DNAAF8: variants seen among roughly 807,000 people sequenced by gnomAD.
DNAAF8 encodes dynein axonemal assembly factor 8.
Under a neutral mutation model 54.6 loss-of-function variants are expected in DNAAF8, and 61 were observed. The observed-to-expected ratio is 1.12, with a 90% CI of 0.91 to 1.38. DNAAF8 has a LOEUF of 1.38. Among genes scored for constraint, DNAAF8 ranks in the 40% most tolerant of loss-of-function variants. DNAAF8 has a pLI of 0.00. For synonymous variants in DNAAF8, 320 were observed against 270.1 expected (o/e 1.18, Z -1.81); for missense variants, 837 against 665.0 (o/e 1.26, Z -2.85).
intron 6 of DNAAF8, 167 bp from the exon 7 acceptor site, chr16:4,746,208 C>A (rs1567506415): frequency 1.5e-6 from 1 of 671,920 alleles, no homozygotes; most frequent in Non-Finnish European, 2.4e-6. Flanking sequence ...CTAAATCTCG[C>A]ATGCTGTTCT....
intron 6 of DNAAF8, among the ~76,000 whole-genome samples, chr16:4,745,952 C>CAAA (rs58259917): frequency 7.9e-5 from 9 of 113,464 alleles, no homozygotes; most frequent in South Asian, 3.3e-4. Flanking sequence ...GACTCTGTCT[C>CAAA]AAAAAAAAAA....
rs2082029610 is a variant in DNAAF8, at chr16:4,747,275, T to C, written c.1281-68T>C. 6.1e-6 allele frequency: 9 copies of C among 1,487,416 alleles called. No individual in the cohort carries two copies. In the South Asian group the frequency reaches 1.2e-4, roughly 20 times the overall value. The allele number at this position is 1,487,416 out of a possible 1,614,324, so 92.1% of individuals were successfully genotyped here. A position where few individuals can be genotyped will look rare whatever the true frequency, so the allele number is the denominator to read the frequency against. ...CTGGGCTCATCTGCTTTTCTCCTGT[T>C]TCAGTAAGGAGGGCTGGGAGGGGCG... On this transcript the variant is annotated intron_variant, in intron 8 of 9. Transcript: ENST00000299320.
intron 4 of DNAAF8, among the ~76,000 whole-genome samples, chr16:4,742,718 T>G (rs1412653684): frequency 1.3e-5 from 2 of 152,192 alleles, no homozygotes; most frequent in Admixed American, 1.3e-4. Flanking sequence ...AGACTCGGTC[T>G]CAAAAACAAA....
intron 4 of DNAAF8, 130 bp downstream of exon 4, chr16:4,740,789 T>G: frequency 8.4e-7 from 1 of 1,185,482 alleles, no homozygotes; most frequent in South Asian, 1.6e-5. Context: ...TATCCACCAT[T>G]CTGTGTACCT....
chr16:4,745,011 G>C lies in DNAAF8; in HGVS notation c.1043G>C (p.Arg348Thr), dbSNP rs902234737. Reference sequence around the variant, plus strand: ...ACCAAAGAGGCAGATTCAGGAAGCAGGTGGGACTTGTAGCCAGGCCCGGCT... The same window carrying C: ...ACCAAAGAGGCAGATTCAGGAAGCACGTGGGACTTGTAGCCAGGCCCGGCT... ...QDTKEADSGS[R>T]CASRKQGSQA... The change falls in exon 6 of 10, where the codon AGA becomes ACA. Residue 348 changes from arginine (R) to threonine (T), a missense_variant and splice_region_variant. By Grantham distance (71) the Arg-to-Thr change is moderately conservative. Coordinates refer to ENST00000299320, the MANE Select transcript of DNAAF8 (RefSeq NM_139170.3). 1 of 1,612,926 alleles carries C rather than the reference G, an allele frequency of 6.2e-7. No individual in the cohort carries two copies.
intron 8 of DNAAF8, 28 bp downstream of exon 8, chr16:4,747,053 T>TGCAGA (rs2082026706): frequency 1.3e-6 from 2 of 1,502,804 alleles, no homozygotes; most frequent in Non-Finnish European, 1.8e-6. Context: ...TCTCGCCACC[T>TGCAGA]GCAGATGTCC....
intron 2 of DNAAF8, among the ~76,000 whole-genome samples, chr16:4,737,063 G>A (rs1183927960): frequency 2.6e-5 from 4 of 152,130 alleles, no homozygotes; most frequent in Admixed American, 2.6e-4. Flanking sequence ...GAGGGATTCT[G>A]CATTTGTGGT....
intron 7 of DNAAF8, 126 bp from the exon 8 acceptor site, chr16:4,746,801 G>A (rs2082022971): frequency 3.3e-6 from 3 of 908,178 alleles, no homozygotes; most frequent in Non-Finnish European, 4.9e-6. Flanking sequence ...ACGTCCACCG[G>A]CCTCCAGTGT....
intron 3 of DNAAF8, among the ~76,000 whole-genome samples, chr16:4,739,445 T>C (rs2081936074): frequency 1.3e-5 from 2 of 151,890 alleles, no homozygotes; most frequent in South Asian, 4.2e-4. Context: ...AAATATTGTT[T>C]CATTGCTGTA....
At chr16:4,736,754 G>A in intron 2 of DNAAF8, 111 bp downstream of exon 2, 1 of 1,181,970 alleles carries the variant, frequency 8.5e-7, no homozygotes. Flanking sequence ...GCTGACCTGT[G>A]CAGTTTGTTG....
chr16:4,747,481 T>C lies in DNAAF8; in HGVS notation c.1419T>C (p.Thr473=). Residue 473 remains threonine (T), a synonymous_variant, in exon 9 of 10, where the codon ACT becomes ACC. Transcript: ENST00000299320. ...CTGAAGACACAGCTGGATCACGAAC[T>C]GGGAGGAAGCAACACATGAAGCTCT... ...QAPEDTAGSR[T]GRKQHMKLCA... 1 of 1,613,210 alleles carries C rather than the reference T, an allele frequency of 6.2e-7. No individual in the cohort carries two copies. The highest frequency in any genetic ancestry group is 8.5e-7 in the Non-Finnish European group (1 of 1,179,966).
chr16:4,748,302 A>C (rs892076309), intron 9 of DNAAF8: 1 of 145,048 alleles, frequency 6.9e-6, no homozygotes. Context: ...CCTCCTGCCT[A>C]GGCCTTCCAC....
At position 4,740,432 on chromosome 16, in the gene DNAAF8, C is replaced by T. The variant is rs1489339298; in HGVS notation, c.556C>T (p.Leu186Phe). The T allele has an allele frequency of 6.2e-7, 1 of 1,613,972 alleles. No individual in the cohort carries two copies. The highest frequency in any genetic ancestry group is 1.7e-5 in the Admixed American group (1 of 60,016). The change falls in exon 4 of 10, where the codon CTC becomes TTC. Residue 186 changes from leucine (L) to phenylalanine (F), a missense_variant. Coordinates refer to ENST00000299320, the MANE Select transcript of DNAAF8 (RefSeq NM_139170.3). ...CHEGDPKAEPLSTASQESVNR... is the reference protein window; with the variant it reads ...CHEGDPKAEPFSTASQESVNR... ...TGAAGGAGACCCAAAGGCAGAGCCC[C>T]TCAGCACTGCCTCACAAGAATCTGT...
intron 6 of DNAAF8, among the ~76,000 whole-genome samples, chr16:4,745,591 G>C (rs2082004738): frequency 6.6e-6 from 1 of 152,234 alleles, no homozygotes; most frequent in Non-Finnish European, 1.5e-5. Context: ...CTGAGAACCA[G>C]TGAATCCCTT....
chr16:4,740,636 G>T lies in DNAAF8; in HGVS notation c.760G>T (p.Gly254Ter). 6.2e-7 allele frequency: 1 copy of T among 1,606,304 alleles called. No individual in the cohort carries two copies. The highest frequency in any genetic ancestry group is 2.2e-5 in the East Asian group (1 of 44,842). ...SKMPLVEPPEGPPVLSLQQLE... is the reference protein window; with the variant it reads ...SKMPLVEPPE ...AATGCCCCTCGTGGAGCCTCCGGAG[G>T]GACCACCAGTGCTCTCGCTCCAGGT... Residue 254 changes from glycine (G) to a stop codon, truncating the protein, a stop_gained, in exon 4 of 10, where the codon GGA (glycine) becomes TGA (stop). Coordinates refer to ENST00000299320, the MANE Select transcript of DNAAF8 (RefSeq NM_139170.3). LOFTEE classifies it high-confidence loss of function.
chr16:4,740,619 T>C lies in DNAAF8; in HGVS notation c.743T>C (p.Leu248Pro), dbSNP rs2081951028. The C allele has an allele frequency of 6.2e-7, 1 of 1,610,948 alleles. No homozygotes were observed. Among genetic ancestry groups the C allele is most frequent in the Non-Finnish European group, 8.5e-7 (1 of 1,179,836 alleles). The change falls in exon 4 of 10, where the codon CTC becomes CCC. Residue 248 changes from leucine to proline, a missense_variant. Transcript: ENST00000299320. ...AESAPRSKMP[L>P]VEPPEGPPVL... ...TCAGCTCCCAGATCCAAAATGCCCC[T>C]CGTGGAGCCTCCGGAGGGACCACCA... is the stretch of plus-strand genomic sequence containing the variant.
At chr16:4,745,981 A>T (rs1360380408) in intron 6 of DNAAF8, among the ~76,000 whole-genome samples, 1 of 152,032 alleles carries the variant, frequency 6.6e-6, no homozygotes, top group East Asian at 1.9e-4. Flanking sequence ...AAAAAGAAAA[A>T]GAAATGGAGA....
At chr16:4,737,997 A>G in intron 3 of DNAAF8, 51 bp downstream of exon 3, 1 of 1,581,372 alleles carries the variant, frequency 6.3e-7, no homozygotes. Context: ...ATGTTAGTCT[A>G]AACTGACTGG....
chr16:4,739,265 G>GGTTTTT (rs1555482695), intron 3 of DNAAF8, among the ~76,000 whole-genome samples: 1 of 69,030 alleles, frequency 1.4e-5, no homozygotes, highest in African/African-American at 5.4e-5. Context: ...ATTTTTTCTT[G>GGTTTTT]TTTTTTTTTT....
Sources: gnomAD v4.1 joint callset for allele counts (sites outside exome capture counted in the v4.1 genomes callset) on GRCh38, gnomAD v4.1.1 for gene constraint, MANE v1.5 for transcripts, NCBI Gene and HGNC (gene_info 2026-07-23, HGNC 2026-07-21) for gene names.